The following SPRY3 variants were observed in gnomAD, a reference collection of about 807,000 sequenced individuals.
The protein encoded by SPRY3 is protein sprouty homolog 3.
Under a neutral mutation model 20.2 loss-of-function variants are expected in SPRY3, and 15 were observed. That is an observed-to-expected ratio of 0.74 (90% CI 0.50 to 1.14). The LOEUF (loss-of-function observed/expected upper bound fraction) is 1.14, where lower values mean the gene tolerates loss of function less well. SPRY3 is among the 50% of genes most tolerant of loss of function. The pLI is 0.00. For missense variants in SPRY3, 364 were observed against 363.9 expected (o/e 1.00, Z 0.00); for synonymous variants, 143 against 136.5 (o/e 1.05, Z -0.33).
At chrX:155,739,448 C>T (rs1378506314) in intron 2 of SPRY3, among the ~76,000 whole-genome samples, 2 of 152,200 alleles carry the variant, frequency 1.3e-5, no homozygotes, top group African/African-American at 4.8e-5. Flanking sequence ...AGCACATCTG[C>T]TCAGCCAAAG....
At chrX:155,728,755 C>T (rs758616962) in intron 2 of SPRY3, among the ~76,000 whole-genome samples, 2 of 152,116 alleles carry the variant, frequency 1.3e-5, no homozygotes. Context: ...TCCCCTGACC[C>T]CTTGTGCTTC....
At chrX:155,713,979 A>G (rs3886780) in intron 2 of SPRY3, among the ~76,000 whole-genome samples, 18,926 of 152,188 alleles carry the variant, frequency 0.12, 1,182 homozygotes, top group East Asian at 0.19. Context: ...TCTGCTATGA[A>G]GAGACTCTGA....
In SPRY3 at chrX:155,714,971, G is replaced by A. The variant is rs1236189459; in HGVS notation, c.-281-52991G>A. On this transcript the variant is annotated intron_variant, in intron 2 of 3. Coordinates refer to ENST00000675360, the Ensembl canonical transcript of SPRY3. The stretch of plus-strand genomic sequence containing the variant: ...CCATTCCTGGGACTCATCTTTCAGG[G>A]CAGTGAACTCCTCTCTGGCCCAGAG... Among the ~76,000 whole-genome samples, 3 of 152,010 alleles carry A rather than the reference G, an allele frequency of 2.0e-5. No individual in the cohort carries two copies. The South Asian group carries it at 6.2e-4, about 32-fold the overall frequency.
At chrX:155,756,308 C>T (rs1438450168) in intron 2 of SPRY3, among the ~76,000 whole-genome samples, 1 of 151,968 alleles carries the variant, frequency 6.6e-6, no homozygotes, top group Non-Finnish European at 1.5e-5. Flanking sequence ...ATTTATACAG[C>T]TGAGAAAAGT....
intron 1 of SPRY3, among the ~76,000 whole-genome samples, chrX:155,640,261 A>G (rs1372168554): frequency 8.9e-6 from 1 of 112,448 alleles, no homozygotes; most frequent in Non-Finnish European, 1.9e-5. Flanking sequence ...GTTGTATGTT[A>G]ATGTATTATA....
At chrX:155,768,331 G>C (rs1017575148) in intron 3 of SPRY3, among the ~76,000 whole-genome samples, 195 bp downstream of exon 2, 1 of 152,128 alleles carries the variant, frequency 6.6e-6, no homozygotes, top group African/African-American at 2.4e-5. Flanking sequence ...GGCTCTCGCA[G>C]AAAACTATCC....
chrX:155,767,623 A>G (rs1462388840), intron 2 of SPRY3, among the ~76,000 whole-genome samples: 1 of 145,874 alleles, frequency 6.9e-6, no homozygotes, highest in Admixed American at 6.9e-5. Context: ...GAGGGGAAGG[A>G]AAATACTGGA....
At chrX:155,781,754 T>C (rs887403430), downstream of SPRY3, 2 of 167,040 alleles carry the variant, frequency 1.2e-5, no homozygotes, top group Admixed American at 6.5e-5. Context: ...ATAACATATA[T>C]GTGGGGCTAA....
At chrX:155,654,209 T>C (rs2067985124) in intron 1 of SPRY3, among the ~76,000 whole-genome samples, 2 of 112,285 alleles carry the variant, frequency 1.8e-5, no homozygotes, top group Non-Finnish European at 3.8e-5. Flanking sequence ...AAAACCTACA[T>C]TGGCAATCTT....
At chrX:155,727,683 C>T (rs907898407) in intron 2 of SPRY3, among the ~76,000 whole-genome samples, 9 of 152,062 alleles carry the variant, frequency 5.9e-5, no homozygotes, top group Non-Finnish European at 8.8e-5. Context: ...TCTGTTTATT[C>T]TAGTTAGCCA....
rs184166563 is a variant in SPRY3 at position 155,758,467 on chromosome X, T to C, written c.-281-9495T>C. Among the ~76,000 whole-genome samples, 7 of 152,292 alleles carry C rather than the reference T, an allele frequency of 4.6e-5. No homozygotes were observed. In the South Asian group the frequency reaches 8.3e-4, roughly 18 times the overall value. On this transcript the variant is annotated intron_variant, in intron 2 of 3. Coordinates refer to ENST00000675360, the Ensembl canonical transcript of SPRY3. ...AAAGAAATAATTATCTCCATCCCCA[T>C]AGGCTTTTCAGTTAAGAATCTATGT...
At chrX:155,782,135 G>C (rs1435070391) in exon 2 of SPRY3, 1 of 167,002 alleles carries the variant, frequency 6.0e-6, no homozygotes, top group Non-Finnish European at 1.5e-5. Context: ...TCTTCTGAAA[G>C]GCATTACCCA....
chrX:155,781,290 G>A (rs778327767), downstream of SPRY3: 9 of 167,086 alleles, frequency 5.4e-5, no homozygotes, highest in African/African-American at 2.2e-4. Context: ...GACTGGATTT[G>A]TGGTTTCCCT....
intron 1 of SPRY3, among the ~76,000 whole-genome samples, chrX:155,653,189 T>C (rs1172791825): frequency 9.0e-6 from 1 of 111,712 alleles, no homozygotes; most frequent in Non-Finnish European, 1.9e-5. Context: ...ATATGTTCTC[T>C]CATTCTGTCT....
intron 1 of SPRY3, among the ~76,000 whole-genome samples, chrX:155,614,217 C>T (rs1292046405): frequency 9.0e-6 from 1 of 111,402 alleles, no homozygotes; most frequent in Non-Finnish European, 1.9e-5. Context: ...TAGTCCATGC[C>T]CTTATGCCCT....
At chrX:155,658,780 C>T (rs2067999773) in intron 2 of SPRY3, among the ~76,000 whole-genome samples, 1 of 111,879 alleles carries the variant, frequency 8.9e-6, no homozygotes, top group Non-Finnish European at 1.9e-5. Flanking sequence ...AGGGGGAATA[C>T]TTTCAACTTT....
intron 2 of SPRY3, among the ~76,000 whole-genome samples, chrX:155,727,067 A>G (rs367598720): frequency 6.6e-6 from 1 of 152,232 alleles, no homozygotes; most frequent in African/African-American, 2.4e-5. Context: ...TATAAAGCTT[A>G]GTTTGGCTGG....
intron 1 of SPRY3, among the ~76,000 whole-genome samples, chrX:155,625,935 C>A (rs1262843604): frequency 1.8e-5 from 1 of 55,078 alleles, no homozygotes; most frequent in Non-Finnish European, 4.7e-5. Context: ...ATGGATAAAC[C>A]ACATTTTGTT....
At chrX:155,669,068 A>G (rs1274929269) in intron 2 of SPRY3, among the ~76,000 whole-genome samples, 4 of 111,388 alleles carry the variant, frequency 3.6e-5, no homozygotes, top group African/African-American at 1.3e-4. Flanking sequence ...ACCAGAGAGG[A>G]TATAAAATGC....
Sources: gnomAD v4.1 joint callset for allele counts (sites outside exome capture counted in the v4.1 genomes callset) on GRCh38, gnomAD v4.1.1 for gene constraint, MANE v1.5 for transcripts, NCBI Gene and HGNC (gene_info 2026-07-23, HGNC 2026-07-21) for gene names.